SMIM45: variants seen among roughly 807,000 people sequenced by gnomAD.
SMIM45 encodes the protein long intergenic non-protein coding RNA 634.
the SMIM45 span, chr22:41,947,256 G>T: frequency 1.6e-6 from 1 of 608,344 alleles, no homozygotes. Flanking sequence ...GGGCGTTCCA[G>T]CGCTACCCGT....
the SMIM45 span, among the ~76,000 whole-genome samples, chr22:41,953,468 G>A: frequency 2.6e-5 from 4 of 152,230 alleles, no homozygotes; most frequent in Non-Finnish European, 5.9e-5. Flanking sequence ...TTGGCGTCTA[G>A]CTCTGCCACT....
the SMIM45 span, chr22:41,947,150 A>C: frequency 6.8e-7 from 1 of 1,471,194 alleles, no homozygotes; most frequent in South Asian, 1.2e-5. Context: ...CAGCCCCTAG[A>C]GCGCGGCCTG....
the SMIM45 span, among the ~76,000 whole-genome samples, chr22:41,951,540 C>T: frequency 6.6e-6 from 1 of 152,180 alleles, no homozygotes; most frequent in Admixed American, 6.5e-5. Flanking sequence ...GGCTGTACAC[C>T]AGCCAGGGGT....
the SMIM45 span, among the ~76,000 whole-genome samples, chr22:41,949,114 G>A: frequency 6.6e-6 from 1 of 151,856 alleles, no homozygotes; most frequent in East Asian, 1.9e-4. Context: ...TGGCGGTGGC[G>A]GGCGCCTGTA....
chr22:41,957,181 C>CTTTT, the SMIM45 span, among the ~76,000 whole-genome samples: 1,070 of 59,288 alleles, frequency 0.018, 241 homozygotes, highest in Admixed American at 0.1. Flanking sequence ...ACCACGTGGT[C>CTTTT]TTTTTTTTTT....
At chr22:41,948,575 G>A in the SMIM45 span, among the ~76,000 whole-genome samples, 3 of 152,062 alleles carry the variant, frequency 2.0e-5, no homozygotes, top group African/African-American at 7.2e-5. Context: ...CATGGCATGG[G>A]GTGTGGAGAG....
chr22:41,951,060 A>T, the SMIM45 span, among the ~76,000 whole-genome samples: 2 of 152,364 alleles, frequency 1.3e-5, no homozygotes, highest in Admixed American at 1.3e-4. Context: ...AGGACCTGTC[A>T]TACCTGAAGA....
At chr22:41,947,024 A>G in the SMIM45 span, 2 of 1,612,736 alleles carry the variant, frequency 1.2e-6, no homozygotes, top group East Asian at 2.2e-5. Flanking sequence ...ACCTACCAAG[A>G]TGGTGGCCGT....
chr22:41,949,127 A>C, the SMIM45 span, among the ~76,000 whole-genome samples: 1 of 151,400 alleles, frequency 6.6e-6, no homozygotes, highest in African/African-American at 2.4e-5. Context: ...CGCCTGTAAT[A>C]CCACCTACTC....
At chr22:41,949,752 G>T in the SMIM45 span, among the ~76,000 whole-genome samples, 1 of 152,228 alleles carries the variant, frequency 6.6e-6, no homozygotes, top group South Asian at 2.1e-4. Flanking sequence ...GGAGGCCATC[G>T]GGGAGCAGCC....
chr22:41,958,409 G>A, the SMIM45 span: 1 of 456,590 alleles, frequency 2.2e-6, no homozygotes, highest in East Asian at 7.0e-5. Flanking sequence ...GCGGGGCTCA[G>A]GCTTGGAACT....
the SMIM45 span, among the ~76,000 whole-genome samples, chr22:41,957,506 C>T: frequency 2.6e-5 from 4 of 152,028 alleles, no homozygotes; most frequent in Non-Finnish European, 5.9e-5. Flanking sequence ...CGGCCTACCA[C>T]GTGGTCTTGA....
At chr22:41,947,207 G>T in the SMIM45 span, 1 of 782,056 alleles carries the variant, frequency 1.3e-6, no homozygotes, top group Non-Finnish European at 2.1e-6. Flanking sequence ...ACGGGACGGG[G>T]CCTCTTAAAG....
At chr22:41,952,074 G>C in the SMIM45 span, 1 of 152,752 alleles carries the variant, frequency 6.5e-6, no homozygotes, top group Admixed American at 6.5e-5. Context: ...TAAAGCCCTT[G>C]CTCTGCCAGG....
At chr22:41,957,181 CT>C in the SMIM45 span, among the ~76,000 whole-genome samples, 91 of 59,294 alleles carry the variant, frequency 1.5e-3, no homozygotes, top group Admixed American at 2.7e-3. Context: ...ACCACGTGGT[CT>C]TTTTTTTTTT....
chr22:41,952,452 G>C, the SMIM45 span: 1 of 152,464 alleles, frequency 6.6e-6, no homozygotes, highest in Non-Finnish European at 1.5e-5. Flanking sequence ...AGGGCACCGA[G>C]TGGTGCCAAT....
At chr22:41,957,406 G>A in the SMIM45 span, among the ~76,000 whole-genome samples, 1 of 147,052 alleles carries the variant, frequency 6.8e-6, no homozygotes, top group Non-Finnish European at 1.5e-5. Flanking sequence ...GTTTCACCAT[G>A]TTAGCCAGGA....
At chr22:41,949,446 C>T in the SMIM45 span, among the ~76,000 whole-genome samples, 1 of 152,184 alleles carries the variant, frequency 6.6e-6, no homozygotes, top group African/African-American at 2.4e-5. Flanking sequence ...GTGGGAAGCA[C>T]TCCTGGCACT....
chr22:41,949,826 C>T, the SMIM45 span, among the ~76,000 whole-genome samples: 6 of 152,260 alleles, frequency 3.9e-5, no homozygotes, highest in Admixed American at 2.6e-4. Flanking sequence ...TCCACTTCAC[C>T]GGGGCGGTGA....
Sources: allele counts gnomAD v4.1 joint callset (sites outside exome capture counted in the v4.1 genomes callset), GRCh38; gene constraint gnomAD v4.1.1; transcripts MANE v1.5; gene names NCBI Gene and HGNC (gene_info 2026-07-23, HGNC 2026-07-21).